Variants in GARIN5A observed in about 807,000 individuals in gnomAD.
The protein encoded by GARIN5A is golgi associated RAB2 interactor 5A, also known as Golgi-associated RAB2 interactor protein 5A.
At chr19:50,466,981 G>A in the GARIN5A span, 4 of 152,496 alleles carry the variant, frequency 2.6e-5, no homozygotes, top group Non-Finnish European at 4.4e-5. This position sits in a 1 kb window ranked among gnomAD's most constrained non-coding sequence, Gnocchi z 4.9. Context: ...TTGTTTCAGA[G>A]GCCTTGGCCT....
chr19:50,475,477 CGGGGCA>C, the GARIN5A span: 1 of 1,591,872 alleles, frequency 6.3e-7, no homozygotes, highest in Non-Finnish European at 8.5e-7. Context: ...GGTCAGAGGT[CGGGGCA>C]GGATAGATGT....
chr19:50,467,697 G>A, the GARIN5A span: 30 of 1,593,946 alleles, frequency 1.9e-5, no homozygotes, highest in Admixed American at 5.3e-5. Flanking sequence ...CCCACTGGCC[G>A]AACTCTCGGT....
chr19:50,468,624 T>C, the GARIN5A span, among the ~76,000 whole-genome samples: 1 of 152,044 alleles, frequency 6.6e-6, no homozygotes, highest in Non-Finnish European at 1.5e-5. Context: ...GTTTTTGAGA[T>C]AGAGGGTCTC....
the GARIN5A span, chr19:50,467,628 C>G: frequency 6.4e-7 from 1 of 1,559,756 alleles, no homozygotes; most frequent in South Asian, 1.2e-5. Flanking sequence ...GCACCTCTTA[C>G]TCCTGCGTGA....
At chr19:50,471,911 T>C in the GARIN5A span, among the ~76,000 whole-genome samples, 12 of 146,992 alleles carry the variant, frequency 8.2e-5, 1 homozygote, top group Admixed American at 2.7e-4. Context: ...CATGTATGTG[T>C]GTATATGTGT....
chr19:50,469,981 C>T, the GARIN5A span, among the ~76,000 whole-genome samples: 1 of 152,138 alleles, frequency 6.6e-6, no homozygotes. Context: ...CCAGTTTTTC[C>T]CCCGACAACC....
At chr19:50,469,984 C>T in the GARIN5A span, among the ~76,000 whole-genome samples, 4 of 152,266 alleles carry the variant, frequency 2.6e-5, 1 homozygote, top group South Asian at 2.1e-4. Flanking sequence ...GTTTTTCCCC[C>T]GACAACCTTA....
chr19:50,476,281 A>C, the GARIN5A span: 1 of 1,606,756 alleles, frequency 6.2e-7, no homozygotes. Flanking sequence ...CTGTGACGTC[A>C]TGATGCGGAG....
At chr19:50,475,961 C>T in the GARIN5A span, 12 of 1,608,558 alleles carry the variant, frequency 7.5e-6, no homozygotes, top group African/African-American at 1.2e-4. Context: ...TTTACCAGGA[C>T]GAAGTCTGGG....
At chr19:50,468,087 G>A in the GARIN5A span, among the ~76,000 whole-genome samples, 5 of 152,194 alleles carry the variant, frequency 3.3e-5, no homozygotes, top group Admixed American at 2.0e-4. Flanking sequence ...GGGGCCAGGC[G>A]TGGTGGCTCA....
the GARIN5A span, among the ~76,000 whole-genome samples, chr19:50,472,042 ATATG>A: frequency 3.4e-5 from 5 of 145,522 alleles, no homozygotes; most frequent in Admixed American, 6.7e-5. Context: ...ACGTGTGTGT[ATATG>A]TATATATACG....
chr19:50,476,366 T>A, the GARIN5A span: 1 of 1,571,158 alleles, frequency 6.4e-7, no homozygotes, highest in Non-Finnish European at 8.6e-7. Flanking sequence ...CTCCTGGAGA[T>A]CAGGCCAAAG....
chr19:50,471,950 A>G, the GARIN5A span, among the ~76,000 whole-genome samples: 2 of 150,156 alleles, frequency 1.3e-5, no homozygotes, highest in Non-Finnish European at 3.0e-5. Context: ...AAGTATATAT[A>G]CATGTATGTA....
At chr19:50,467,793 G>A in the GARIN5A span, 18 of 1,612,908 alleles carry the variant, frequency 1.1e-5, no homozygotes, top group African/African-American at 2.7e-5. Flanking sequence ...GGCTTTTGTC[G>A]TGGACAAAGA....
At chr19:50,475,910 G>A in the GARIN5A span, 5 of 1,613,866 alleles carry the variant, frequency 3.1e-6, no homozygotes, top group Non-Finnish European at 4.2e-6. Flanking sequence ...CGTTGGAGCC[G>A]TCTGGGACGG....
At chr19:50,476,286 G>A in the GARIN5A span, 6 of 1,604,870 alleles carry the variant, frequency 3.7e-6, no homozygotes, top group Non-Finnish European at 5.1e-6. Flanking sequence ...ACGTCATGAT[G>A]CGGAGCGGGC....
chr19:50,468,994 C>T, the GARIN5A span, among the ~76,000 whole-genome samples: 1 of 152,206 alleles, frequency 6.6e-6, no homozygotes, highest in African/African-American at 2.4e-5. Context: ...TCAGTCCCTA[C>T]AGTCTGTTCC....
the GARIN5A span, among the ~76,000 whole-genome samples, chr19:50,472,227 T>TAC: frequency 1.3e-5 from 1 of 77,888 alleles, no homozygotes; most frequent in African/African-American, 5.7e-5. Context: ...TATGTATATA[T>TAC]ACATGTATGT....
At chr19:50,467,778 A>G in the GARIN5A span, 3 of 1,612,590 alleles carry the variant, frequency 1.9e-6, no homozygotes, top group Non-Finnish European at 2.5e-6. Flanking sequence ...CCTCGAGCTG[A>G]CACCGGCTTT....
Sources: gnomAD v4.1 joint callset for allele counts (sites outside exome capture counted in the v4.1 genomes callset) on GRCh38, gnomAD v4.1.1 for gene constraint, Gnocchi (gnomAD v3.1) non-coding constraint, MANE v1.5 for transcripts, NCBI Gene and HGNC (gene_info 2026-07-23, HGNC 2026-07-21) for gene names.